OR2L13: variants seen among roughly 807,000 people sequenced by gnomAD.
The protein encoded by OR2L13 is olfactory receptor 2L13.
OR2L13 carries 14 observed loss-of-function variants against 15.3 expected under a neutral mutation model. The observed-to-expected ratio is 0.91, with a 90% CI of 0.60 to 1.43. The LOEUF (loss-of-function observed/expected upper bound fraction) is 1.43. Ranked by LOEUF, OR2L13 falls within the 40% of genes most tolerant of loss-of-function variation. The pLI, the probability that OR2L13 is intolerant of heterozygous loss-of-function variation, is 0.00. For missense variants in OR2L13, 367 were observed against 387.9 expected (o/e 0.95, Z 0.45); for synonymous variants, 152 against 142.9 (o/e 1.06, Z -0.45).
the OR2L13 span, among the ~76,000 whole-genome samples, chr1:248,019,236 AT>A: frequency 1.3e-5 from 2 of 152,130 alleles, no homozygotes; most frequent in Non-Finnish European, 2.9e-5. Context: ...TATTTTGATG[AT>A]TTTTTGACTT....
At chr1:248,067,405 C>A in the OR2L13 span, among the ~76,000 whole-genome samples, 1 of 152,098 alleles carries the variant, frequency 6.6e-6, no homozygotes, top group Non-Finnish European at 1.5e-5. Flanking sequence ...TTTTAAAAAT[C>A]CAGGAAAAAC....
the OR2L13 span, among the ~76,000 whole-genome samples, chr1:248,015,702 T>C: frequency 6.6e-6 from 1 of 152,140 alleles, no homozygotes; most frequent in Non-Finnish European, 1.5e-5. Flanking sequence ...TTTGGAGGCT[T>C]TTAAAAGTTC....
the OR2L13 span, among the ~76,000 whole-genome samples, chr1:247,998,319 A>C: frequency 6.6e-6 from 1 of 152,146 alleles, no homozygotes; most frequent in Non-Finnish European, 1.5e-5. Flanking sequence ...GTGATGATCA[A>C]TGGAAGAGAT....
chr1:248,061,428 C>G, the OR2L13 span: 2 of 1,614,082 alleles, frequency 1.2e-6, no homozygotes, highest in Non-Finnish European at 1.7e-6. Context: ...TAGTAACTTT[C>G]TACTATGCAC....
the OR2L13 span, chr1:248,003,072 A>G: frequency 3.5e-6 from 3 of 862,578 alleles, 1 homozygote; most frequent in Admixed American, 3.8e-5. Context: ...GCGGATAAGG[A>G]TGAATTTCTG....
At chr1:248,039,407 G>T in the OR2L13 span, 1 of 401,388 alleles carries the variant, frequency 2.5e-6, no homozygotes, top group Non-Finnish European at 4.3e-6. Context: ...TTGTTTGTGT[G>T]TGGTTTTTGT....
In OR2L13 at chr1:248,099,963, T is replaced by C. The variant is rs763894160; in HGVS notation, c.588T>C (p.Tyr196=). Residue 196 remains tyrosine (Y), a synonymous_variant, in exon 3 of 3, where the codon TAT becomes TAC. Transcript: ENST00000641714. The stretch of plus-strand genomic sequence containing the variant: ...GTACAGATACTTGGGTCTATGAATA[T>C]ATGGTTTTTGTAAGTACAAGCCTCT... The C allele has an allele frequency of 3.1e-6, 5 of 1,614,026 alleles. No individual in the cohort carries two copies. In the African/African-American group the frequency reaches 4.0e-5, roughly 13 times the overall value.
At chr1:248,087,200 T>C in the OR2L13 span, among the ~76,000 whole-genome samples, 1 of 147,800 alleles carries the variant, frequency 6.8e-6, no homozygotes, top group Non-Finnish European at 1.5e-5. Flanking sequence ...TACTCTTCAG[T>C]AAAAAAAAAA....
At chr1:248,068,784 C>T in the OR2L13 span, among the ~76,000 whole-genome samples, 2 of 152,060 alleles carry the variant, frequency 1.3e-5, no homozygotes, top group African/African-American at 4.8e-5. Flanking sequence ...CTTAAAGGAG[C>T]TGATGGAGCT....
the OR2L13 span, chr1:248,084,653 C>G: frequency 1.4e-5 from 22 of 1,530,846 alleles, no homozygotes; most frequent in African/African-American, 4.2e-5. Context: ...AGGCTTTTAT[C>G]ATCTGAATAA....
the OR2L13 span, among the ~76,000 whole-genome samples, chr1:248,015,982 A>G: frequency 9.9e-5 from 15 of 152,132 alleles, no homozygotes; most frequent in South Asian, 2.1e-4. Flanking sequence ...TTGGTTCCCA[A>G]CTCTATCACT....
the OR2L13 span, among the ~76,000 whole-genome samples, chr1:247,983,058 G>A: frequency 6.6e-6 from 1 of 152,036 alleles, no homozygotes; most frequent in Non-Finnish European, 1.5e-5. Flanking sequence ...ATGTATATGT[G>A]TATATCAACT....
chr1:248,032,719 A>G, the OR2L13 span, among the ~76,000 whole-genome samples: 1 of 152,128 alleles, frequency 6.6e-6, no homozygotes, highest in Non-Finnish European at 1.5e-5. Flanking sequence ...ATTCCATTGT[A>G]TGTACTCATT....
chr1:247,973,873 T>C, the OR2L13 span, among the ~76,000 whole-genome samples: 4 of 152,322 alleles, frequency 2.6e-5, no homozygotes, highest in African/African-American at 9.6e-5. Flanking sequence ...AGTGTGGCGA[T>C]TGCTCAAGGA....
chr1:247,981,989 G>A, the OR2L13 span, among the ~76,000 whole-genome samples: 8 of 151,974 alleles, frequency 5.3e-5, no homozygotes, highest in South Asian at 2.1e-4. Flanking sequence ...CTAATGTTTT[G>A]TATTTTTAGT....
At chr1:248,025,872 T>C in the OR2L13 span, among the ~76,000 whole-genome samples, 6 of 150,196 alleles carry the variant, frequency 4.0e-5, no homozygotes, top group African/African-American at 1.5e-4. Flanking sequence ...CACCGCATAT[T>C]CTTACTCATA....
the OR2L13 span, among the ~76,000 whole-genome samples, chr1:248,027,296 T>A: frequency 2.6e-5 from 4 of 152,196 alleles, no homozygotes; most frequent in Non-Finnish European, 5.9e-5. Flanking sequence ...CCCTGTCTCC[T>A]GAGAAGATGT....
At chr1:247,953,776 A>C in the OR2L13 span, among the ~76,000 whole-genome samples, 3 of 152,154 alleles carry the variant, frequency 2.0e-5, no homozygotes, top group Non-Finnish European at 4.4e-5. Context: ...GTAATGGAAT[A>C]TAAAATAGCC....
the OR2L13 span, chr1:248,029,057 A>G: frequency 6.6e-6 from 1 of 152,210 alleles, no homozygotes; most frequent in South Asian, 2.1e-4. Flanking sequence ...CTTGCCAGGA[A>G]TGTACACTAA....
Sources: gnomAD v4.1 joint callset for allele counts (sites outside exome capture counted in the v4.1 genomes callset) on GRCh38, gnomAD v4.1.1 for gene constraint, MANE v1.5 for transcripts, NCBI Gene and HGNC (gene_info 2026-07-23, HGNC 2026-07-21) for gene names.